Variants in ZNF423 observed in about 807,000 individuals in gnomAD.
ZNF423 encodes zinc finger protein 423.
Under a neutral mutation model 95.8 loss-of-function variants are expected in ZNF423, and 12 were observed. That is an observed-to-expected ratio of 0.13 (90% CI 0.08 to 0.20). The LOEUF (loss-of-function observed/expected upper bound fraction) is 0.20. ZNF423 is among the 10% of genes least tolerant of loss of function. The pLI is 1.00. For synonymous variants in ZNF423, 749 were observed against 711.9 expected, an observed-to-expected ratio of 1.05 and a Z score of -0.83; for missense variants, 1,316 against 1,737.1, an observed-to-expected ratio of 0.76 and a Z score of 4.31.
intron 1 of ZNF423, among the ~76,000 whole-genome samples, chr16:49,839,762 G>C (rs924443540): frequency 3.3e-5 from 5 of 152,270 alleles, no homozygotes; most frequent in Admixed American, 3.3e-4. Flanking sequence ...CCCTCCCAGG[G>C]TGAAGAGACA....
At chr16:49,747,009 A>G (rs1054997738) in intron 2 of ZNF423, among the ~76,000 whole-genome samples, 1 of 152,192 alleles carries the variant, frequency 6.6e-6, no homozygotes, top group Non-Finnish European at 1.5e-5. Flanking sequence ...GAAAGAAGGT[A>G]CTTAAAGTGG....
intron 7 of ZNF423, among the ~76,000 whole-genome samples, chr16:49,504,590 A>C (rs543386010): frequency 6.6e-6 from 1 of 152,184 alleles, no homozygotes; most frequent in Non-Finnish European, 1.5e-5. Flanking sequence ...ACCACCACCA[A>C]CAACAAAAAA....
At chr16:49,554,831 A>G (rs1308685276) in intron 5 of ZNF423, among the ~76,000 whole-genome samples, 1 of 152,064 alleles carries the variant, frequency 6.6e-6, no homozygotes, top group Admixed American at 6.5e-5. Flanking sequence ...CCCTCTGAAG[A>G]TATAAATCTT....
chr16:49,641,839 G>T lies in ZNF423; in HGVS notation c.302-2965C>A, dbSNP rs1462489844. Among the ~76,000 whole-genome samples, 4 of 152,338 alleles carry T rather than the reference G, an allele frequency of 2.6e-5. No individual in the cohort carries two copies. The East Asian group carries it at 7.7e-4, about 29-fold the overall frequency. On this transcript the variant is annotated intron_variant, in intron 3 of 7. Coordinates refer to ENST00000563137, the MANE Select transcript of ZNF423 (RefSeq NM_001379286.1). ...AGAAGGCAGGTTAGCAGCTGTCCGAGGCTGGAGATGGGAGCAGGGACTGGC... is the reference window on the plus strand; with the variant it reads ...AGAAGGCAGGTTAGCAGCTGTCCGATGCTGGAGATGGGAGCAGGGACTGGC...
chr16:49,619,213 G>A (rs1258718480), intron 5 of ZNF423, among the ~76,000 whole-genome samples: 9 of 152,082 alleles, frequency 5.9e-5, no homozygotes, highest in Admixed American at 3.3e-4. Context: ...GACTTGTGAC[G>A]TTACATTGAC....
intron 5 of ZNF423, among the ~76,000 whole-genome samples, chr16:49,551,378 C>T (rs1969628363): frequency 6.6e-6 from 1 of 152,176 alleles, no homozygotes; most frequent in Non-Finnish European, 1.5e-5. Context: ...ACAATTCCAT[C>T]CCCCCTCCCA....
chr16:49,679,556 A>C (rs899724553), intron 3 of ZNF423, among the ~76,000 whole-genome samples: 7 of 152,236 alleles, frequency 4.6e-5, no homozygotes, highest in Non-Finnish European at 8.8e-5. Context: ...CTGACATGCC[A>C]GCCCCCTGCC....
At chr16:49,753,731 C>G (rs1213694389) in intron 2 of ZNF423, among the ~76,000 whole-genome samples, 49 of 152,124 alleles carry the variant, frequency 3.2e-4, no homozygotes, top group Admixed American at 3.2e-3. Flanking sequence ...TTGAATGGCA[C>G]GAGGAAGCCA....
At chr16:49,604,342 C>T (rs535721443) in intron 5 of ZNF423, among the ~76,000 whole-genome samples, 16 of 152,290 alleles carry the variant, frequency 1.1e-4, no homozygotes, top group Non-Finnish European at 2.4e-4. Context: ...CCCACACCTC[C>T]CCTAGCCCTG....
intron 5 of ZNF423, among the ~76,000 whole-genome samples, chr16:49,543,206 G>C (rs1217260523): frequency 2.0e-5 from 3 of 152,100 alleles, no homozygotes; most frequent in Non-Finnish European, 4.4e-5. Flanking sequence ...AATCATAAAA[G>C]GGCTCAACAC....
At position 49,753,055 on chromosome 16, in the gene ZNF423, C is replaced by A. The variant is rs1294929237; in HGVS notation, c.101-22084G>T. On this transcript the variant is annotated intron_variant, in intron 2 of 7. Transcript: ENST00000563137. Reference sequence around the variant, plus strand: ...GGGCAAGAGTTCAACACCAGTCTGGCCAGCATGGTGAAGCCCCATCTCTAC... The same window carrying A: ...GGGCAAGAGTTCAACACCAGTCTGGACAGCATGGTGAAGCCCCATCTCTAC... Among the ~76,000 whole-genome samples the A allele has an allele frequency of 1.3e-5, 2 of 152,142 alleles. 1 individual carries two copies. Among genetic ancestry groups the A allele is most frequent in the African/African-American group, 4.8e-5 (2 of 41,440 alleles).
intron 2 of ZNF423, among the ~76,000 whole-genome samples, chr16:49,777,623 C>T (rs2034142765): frequency 6.6e-6 from 1 of 152,190 alleles, no homozygotes; most frequent in Admixed American, 6.5e-5. Flanking sequence ...CCCGTCATTC[C>T]ACCAAGATGC....
At chr16:49,676,010 G>C (rs1388401567) in intron 3 of ZNF423, among the ~76,000 whole-genome samples, 1 of 152,162 alleles carries the variant, frequency 6.6e-6, no homozygotes, top group Non-Finnish European at 1.5e-5. Context: ...ACACCCCACA[G>C]TGCCCCCTTC....
At chr16:49,586,838 G>A (rs1027193873) in intron 5 of ZNF423, among the ~76,000 whole-genome samples, 1 of 152,188 alleles carries the variant, frequency 6.6e-6, no homozygotes, top group Non-Finnish European at 1.5e-5. Flanking sequence ...GCCAACATGA[G>A]CCTGGCTGAT....
intron 3 of ZNF423, among the ~76,000 whole-genome samples, chr16:49,702,320 C>T (rs1206147323): frequency 6.6e-6 from 1 of 152,208 alleles, no homozygotes; most frequent in Admixed American, 6.5e-5. Context: ...CCAAGGCAGC[C>T]AGGGACGGGA....
At chr16:49,629,612 G>A (rs1004347090) in intron 4 of ZNF423, among the ~76,000 whole-genome samples, 1 of 152,178 alleles carries the variant, frequency 6.6e-6, no homozygotes, top group Non-Finnish European at 1.5e-5. Flanking sequence ...AAGGACCCTG[G>A]GTAATTAATA....
intron 1 of ZNF423, among the ~76,000 whole-genome samples, chr16:49,798,578 A>T (rs528330137): frequency 6.6e-6 from 1 of 152,288 alleles, no homozygotes; most frequent in African/African-American, 2.4e-5. Context: ...TCTTCTAACC[A>T]ATCTAGTACT....
intron 2 of ZNF423, among the ~76,000 whole-genome samples, chr16:49,743,689 TA>T (rs1373337611): frequency 6.6e-6 from 1 of 151,976 alleles, no homozygotes; most frequent in Non-Finnish European, 1.5e-5. Context: ...CTAGGGCCTC[TA>T]TTATAACCCA....
At chr16:49,692,850 T>C (rs1406558894) in intron 3 of ZNF423, among the ~76,000 whole-genome samples, 1 of 152,248 alleles carries the variant, frequency 6.6e-6, no homozygotes, top group East Asian at 1.9e-4. Flanking sequence ...TAAGCAAAGA[T>C]ACCTCTTACA....
Sources: gnomAD v4.1 joint callset for allele counts (sites outside exome capture counted in the v4.1 genomes callset) on GRCh38, gnomAD v4.1.1 for gene constraint, MANE v1.5 for transcripts, NCBI Gene and HGNC (gene_info 2026-07-23, HGNC 2026-07-21) for gene names.